Variants in NR6A1 observed in about 807,000 individuals in gnomAD.
NR6A1 encodes the protein nuclear receptor subfamily 6 group A member 1.
Under a neutral mutation model 59.1 loss-of-function variants are expected in NR6A1, and 7 were observed. The ratio of observed to expected loss-of-function variants is 0.12; its 90% CI spans 0.07 to 0.22. NR6A1 has a LOEUF of 0.22. Ranked by LOEUF, NR6A1 falls within the 10% of genes least tolerant of loss-of-function variation. The pLI is 1.00. For missense variants in NR6A1, 468 were observed against 611.6 expected (o/e 0.77, Z 2.48); for synonymous variants, 243 against 236.1 (o/e 1.03, Z -0.27).
intron 2 of NR6A1, among the ~76,000 whole-genome samples, chr9:124,623,912 A>G (rs181549595): frequency 2.0e-5 from 3 of 152,340 alleles, no homozygotes; most frequent in East Asian, 3.9e-4. Flanking sequence ...TTCTACCTTT[A>G]TTAAGCCCTT....
chr9:124,740,405 T>C (rs1840143283), intron 1 of NR6A1, among the ~76,000 whole-genome samples: 1 of 152,230 alleles, frequency 6.6e-6, no homozygotes, highest in Non-Finnish European at 1.5e-5. Context: ...TTTAATTAAA[T>C]ATGAGATAAC....
chr9:124,597,559 G>A (rs1258289663), intron 2 of NR6A1, among the ~76,000 whole-genome samples: 2 of 152,154 alleles, frequency 1.3e-5, no homozygotes, highest in African/African-American at 2.4e-5. Context: ...AGATGAATAA[G>A]GAGCTATTAG....
intron 8 of NR6A1, 64 bp downstream of exon 8, chr9:124,526,715 G>A: frequency 6.3e-7 from 1 of 1,597,928 alleles, no homozygotes; most frequent in Non-Finnish European, 8.5e-7. Flanking sequence ...TGAAACAGGA[G>A]GGCAAATGCT....
chr9:124,732,737 C>G (rs1335866102), intron 2 of NR6A1, among the ~76,000 whole-genome samples: 1 of 150,894 alleles, frequency 6.6e-6, no homozygotes, highest in African/African-American at 2.4e-5. Context: ...GCTCTTGTCA[C>G]CCAGGCTGGA....
At chr9:124,604,573 C>T (rs1173739155) in intron 2 of NR6A1, among the ~76,000 whole-genome samples, 1 of 152,206 alleles carries the variant, frequency 6.6e-6, no homozygotes, top group African/African-American at 2.4e-5. Context: ...CTTTGGGACG[C>T]TGAGGCGGGT....
intron 2 of NR6A1, among the ~76,000 whole-genome samples, chr9:124,643,887 C>T (rs2130907038): frequency 6.6e-6 from 1 of 151,562 alleles, no homozygotes; most frequent in African/African-American, 2.4e-5. Flanking sequence ...TTTAATTTTC[C>T]ATCCTTTCTG....
chr9:124,716,951 A>G (rs1011182446), intron 2 of NR6A1, among the ~76,000 whole-genome samples: 11 of 152,184 alleles, frequency 7.2e-5, no homozygotes, highest in Admixed American at 1.3e-4. Context: ...GAATTTACCA[A>G]AAGATTTGAA....
At chr9:124,607,728 T>C (rs1379883648) in intron 2 of NR6A1, among the ~76,000 whole-genome samples, 1 of 152,118 alleles carries the variant, frequency 6.6e-6, no homozygotes, top group African/African-American at 2.4e-5. Flanking sequence ...TTAGTTAATA[T>C]TACTTAGAAT....
intron 2 of NR6A1, among the ~76,000 whole-genome samples, chr9:124,586,986 A>G (rs2131476227): frequency 6.6e-6 from 1 of 152,292 alleles, no homozygotes; most frequent in South Asian, 2.1e-4. Context: ...CTACAGAGAA[A>G]TTTTTCATGA....
chr9:124,552,023 T>C (rs1328019740), intron 3 of NR6A1, among the ~76,000 whole-genome samples: 2 of 152,224 alleles, frequency 1.3e-5, no homozygotes, highest in East Asian at 3.9e-4. Flanking sequence ...CTGTCCCTCA[T>C]ACTCCGTGTG....
intron 2 of NR6A1, among the ~76,000 whole-genome samples, chr9:124,657,777 G>C (rs1837305332): frequency 6.6e-6 from 1 of 151,922 alleles, no homozygotes; most frequent in Non-Finnish European, 1.5e-5. Flanking sequence ...ACTAGGACTG[G>C]GACAAGAGTG....
chr9:124,700,165 T>A (rs761008779), intron 2 of NR6A1, among the ~76,000 whole-genome samples: 9 of 150,832 alleles, frequency 6.0e-5, no homozygotes, highest in Non-Finnish European at 8.8e-5. Context: ...ACATTTCATA[T>A]AGGAGAAATC....
intron 2 of NR6A1, among the ~76,000 whole-genome samples, chr9:124,714,116 A>G (rs1316821046): frequency 6.6e-6 from 1 of 152,238 alleles, no homozygotes; most frequent in Non-Finnish European, 1.5e-5. Context: ...TAGGCACATT[A>G]TGCTAAGGGA....
chr9:124,707,928 C>T (rs981245125), intron 2 of NR6A1, among the ~76,000 whole-genome samples: 12 of 152,166 alleles, frequency 7.9e-5, no homozygotes, highest in Admixed American at 2.0e-4. Flanking sequence ...CACTTCAGGC[C>T]TTCACGTCTG....
chr9:124,733,433 G>C (rs1839938717), intron 1 of NR6A1, 84 bp from the exon 2 acceptor site: 3 of 1,054,740 alleles, frequency 2.8e-6, no homozygotes, highest in African/African-American at 1.6e-5. Flanking sequence ...ATACAGTTGG[G>C]GGGAAATCTA....
At chr9:124,599,614 C>G (rs1835391087) in intron 2 of NR6A1, 1 of 1,172,232 alleles carries the variant, frequency 8.5e-7, no homozygotes, top group Non-Finnish European at 1.1e-6. Context: ...TCGGCTGAGT[C>G]GGTCGTCGCC....
rs116465086 is a variant in NR6A1, at chr9:124,564,968, C to T, written c.143-10398G>A. Among the ~76,000 whole-genome samples, 461 of 152,062 alleles carry T rather than the reference C, an allele frequency of 3.0e-3. 3 individuals carry two copies. Among genetic ancestry groups the T allele is most frequent in the African/African-American group, 0.011 (443 of 41,476 alleles). ...GCAGAGCACTGAGAAAAAGACAAGGCTTTTCAATGAATTGTGATGGGGCAA... is the reference window on the plus strand; with the variant it reads ...GCAGAGCACTGAGAAAAAGACAAGGTTTTTCAATGAATTGTGATGGGGCAA... On this transcript the variant is annotated intron_variant, in intron 2 of 9. Coordinates refer to ENST00000487099, the MANE Select transcript of NR6A1 (RefSeq NM_033334.4).
chr9:124,545,825 A>C (rs1214589678), intron 3 of NR6A1, among the ~76,000 whole-genome samples: 2 of 152,206 alleles, frequency 1.3e-5, no homozygotes, highest in Non-Finnish European at 2.9e-5. Flanking sequence ...TGAAATTCAA[A>C]AGCTCATCGG....
chr9:124,661,504 A>G (rs561234610), intron 2 of NR6A1, among the ~76,000 whole-genome samples: 125 of 152,332 alleles, frequency 8.2e-4, no homozygotes, highest in Admixed American at 2.4e-3. Flanking sequence ...GTTCGAAATG[A>G]TATCATATCT....
Sources: gnomAD v4.1 joint callset for allele counts (sites outside exome capture counted in the v4.1 genomes callset) on GRCh38, gnomAD v4.1.1 for gene constraint, MANE v1.5 for transcripts, NCBI Gene and HGNC (gene_info 2026-07-23, HGNC 2026-07-21) for gene names.